The following COG1 variants were observed in gnomAD, a reference collection of about 807,000 sequenced individuals.
COG1 encodes component of oligomeric golgi complex 1.
COG1 carries 61 observed loss-of-function variants against 102.2 expected under a neutral mutation model. That is an observed-to-expected ratio of 0.60 (90% CI 0.49 to 0.74). COG1 has a LOEUF of 0.74. COG1 is among the 30% of genes least tolerant of loss of function. The pLI is 0.00. For missense variants in COG1, 1,164 were observed against 1,232.1 expected (o/e 0.94, Z 0.83); for synonymous variants, 454 against 493.6 (o/e 0.92, Z 1.06).
At chr17:73,205,044 T>A (rs752171228) in intron 9 of COG1, 75 of 188,278 alleles carry the variant, frequency 4.0e-4, no homozygotes, top group Non-Finnish European at 7.3e-4. Context: ...ACATCTGTAG[T>A]CCCAGCTACT....
intron 4 of COG1, among the ~76,000 whole-genome samples, chr17:73,198,911 A>G (rs2061335624): frequency 6.6e-6 from 1 of 152,116 alleles, no homozygotes; most frequent in Non-Finnish European, 1.5e-5. Context: ...CTGTTTCCAG[A>G]GAGAGGTGCT....
At position 73,201,300 on chromosome 17, in the gene COG1, C is replaced by T. The variant is rs1551036; in HGVS notation, c.1473C>T (p.Ser491=). The change falls in exon 7 of 14, where the codon AGC becomes AGT. Residue 491 remains serine, a synonymous_variant. Coordinates refer to ENST00000299886, the MANE Select transcript of COG1 (RefSeq NM_018714.3). ...NDLPSDAAWV[S]VANRGQFASS... is the part of the protein sequence containing the mutation. ...TGCCTTCCGATGCGGCCTGGGTCAG[C>T]GTGGCAAACCGGGGTCAGTTTGCCA... is the stretch of plus-strand genomic sequence containing the variant. 0.18 allele frequency: 285,270 copies of T among 1,614,120 alleles called. 26,473 individuals are homozygous for T. Among genetic ancestry groups the T allele is most frequent in the South Asian group, 0.2 (17,999 of 91,082 alleles).
At chr17:73,198,156 G>C (rs2061332799) in intron 4 of COG1, among the ~76,000 whole-genome samples, 1 of 150,338 alleles carries the variant, frequency 6.7e-6, no homozygotes, top group Non-Finnish European at 1.5e-5. Context: ...GGGAGCTTGG[G>C]TTACGAAGGA....
intron 2 of COG1, 69 bp from the exon 3 acceptor site, chr17:73,196,831 C>CTGA: frequency 6.2e-7 from 1 of 1,613,654 alleles, no homozygotes; most frequent in Non-Finnish European, 8.5e-7. Flanking sequence ...GTCTTCTTTC[C>CTGA]TGATGTACCA....
In COG1 at chr17:73,193,385, G is replaced by A; in HGVS notation, c.315+1G>A. On this transcript the variant is annotated splice_donor_variant, in intron 1 of 13. Coordinates refer to ENST00000299886, the MANE Select transcript of COG1 (RefSeq NM_018714.3). LOFTEE classifies it high-confidence loss of function. Reference sequence around the variant, plus strand: ...GCCCCGGCCACCGCGGGCCCAGCAGGTCAGTCCCCGTGCCCCCACCCTGCG... The same window carrying A: ...GCCCCGGCCACCGCGGGCCCAGCAGATCAGTCCCCGTGCCCCCACCCTGCG... 1 of 1,465,194 alleles carries A rather than the reference G, an allele frequency of 6.8e-7. No individual in the cohort carries two copies. The highest frequency in any genetic ancestry group is 9.0e-7 in the Non-Finnish European group (1 of 1,115,494). The allele number at this position is 1,465,194 out of a possible 1,614,324, so 90.8% of individuals were successfully genotyped here.
Position 73,200,013 on chromosome 17 carries a change from G to T in COG1, c.1062G>T (p.Trp354Cys). Residue 354 changes from tryptophan (W) to cysteine (C), a missense_variant, in exon 5 of 14, where the codon TGG becomes TGT. Transcript: ENST00000299886. Reference protein sequence around the residue: ...QEYLKDTLQKWIHMCNEDIKN... With the variant: ...QEYLKDTLQKCIHMCNEDIKN... ...ACCTGAAAGACACGCTGCAGAAATGGATCCACATGTAAGTAACCAGAAAGA... is the reference window on the plus strand; with the variant it reads ...ACCTGAAAGACACGCTGCAGAAATGTATCCACATGTAAGTAACCAGAAAGA... The T allele has an allele frequency of 1.2e-6, 2 of 1,611,974 alleles. No homozygotes were observed. The highest frequency in any genetic ancestry group is 1.7e-6 in the Non-Finnish European group (2 of 1,179,098).
At position 73,206,877 on chromosome 17, in the gene COG1, G is replaced by A. The variant is rs192485872; in HGVS notation, c.2729+60G>A. The A allele has an allele frequency of 4.5e-4, 529 of 1,188,432 alleles. 4 individuals carry two copies. The African/African-American group carries it at 6.7e-3, about 15-fold the overall frequency. 73.6% of individuals were successfully genotyped at this position (1,188,432 alleles called of 1,614,324 possible). ...CGGGAGGCCAAGGTGGACGGATCAC[G>A]TCAGGAGATCGAGACCATCCTGGCT... On this transcript the variant is annotated intron_variant, in intron 12 of 13. Transcript: ENST00000299886.
intron 7 of COG1, among the ~76,000 whole-genome samples, chr17:73,202,593 G>A (rs1295027678): frequency 6.6e-6 from 1 of 152,112 alleles, no homozygotes. Flanking sequence ...TTCAAGACCA[G>A]CCTGGGCAAC....
chr17:73,201,657 A>G lies in COG1; in HGVS notation c.1830A>G (p.Ser610=), dbSNP rs560997448. The G allele has an allele frequency of 1.9e-5, 31 of 1,614,242 alleles. No individual in the cohort carries two copies. In the South Asian group the frequency reaches 2.7e-4, roughly 14 times the overall value. ...QDALNSAKLH[S]VLFMARLCQS... is the part of the protein sequence containing the mutation. ...CCCTCAACAGTGCCAAGCTGCACTCAGTTCTTTTCATGGCCAGACTCTGCC... is the reference window on the plus strand; with the variant it reads ...CCCTCAACAGTGCCAAGCTGCACTCGGTTCTTTTCATGGCCAGACTCTGCC... Residue 610 remains serine (S), a synonymous_variant, in exon 7 of 14, where the codon TCA becomes TCG. Transcript: ENST00000299886.
intron 4 of COG1, 135 bp downstream of exon 4, chr17:73,197,531 T>A: frequency 1.1e-6 from 1 of 897,456 alleles, no homozygotes; most frequent in African/African-American, 1.6e-5. Context: ...CCTTCCTTCA[T>A]CGAGGCCACA....
At chr17:73,202,948 A>T in intron 7 of COG1, 52 bp from the exon 8 acceptor site, 2 of 1,599,530 alleles carry the variant, frequency 1.3e-6, no homozygotes, top group Non-Finnish European at 1.7e-6. Context: ...TTTTAAAGAA[A>T]CTCTACAGAG....
At position 73,199,918 on chromosome 17, in the gene COG1, C is replaced by G. The variant is rs369505856; in HGVS notation, c.967C>G (p.His323Asp). The G allele has an allele frequency of 6.2e-7, 1 of 1,614,216 alleles. No individual in the cohort carries two copies. Among genetic ancestry groups the G allele is most frequent in the African/African-American group, 1.3e-5 (1 of 75,052 alleles). ...GATGAAACTCTGCAGCTGGTTTAAA[C>G]ACCTGCCAGCATCCATCGTCGAGTT... Reference protein sequence around the residue: ...EEMKLCSWFKHLPASIVEFQP... With the variant: ...EEMKLCSWFKDLPASIVEFQP... Residue 323 changes from histidine (H) to aspartate (D), a missense_variant, in exon 5 of 14, where the codon CAC (histidine) becomes GAC (aspartate). Physicochemically the swap from His to Asp is moderately conservative, Grantham distance 81. Coordinates refer to ENST00000299886, the MANE Select transcript of COG1 (RefSeq NM_018714.3).
chr17:73,196,338 C>A, intron 1 of COG1, 169 bp from the exon 2 acceptor site: 1 of 991,898 alleles, frequency 1.0e-6, no homozygotes, highest in Non-Finnish European at 1.5e-6. Flanking sequence ...ACACTCCTGA[C>A]TCTGGCAACT....
intron 1 of COG1, 149 bp downstream of exon 1, chr17:73,193,533 G>GC (rs754106788): frequency 4.6e-5 from 31 of 680,630 alleles, no homozygotes; most frequent in Admixed American, 1.6e-4. Flanking sequence ...CACCCTTTGG[G>GC]CCCCCCTCAG....
At position 73,196,639 on chromosome 17, in the gene COG1, T is replaced by A. The variant is rs369274946; in HGVS notation, c.448T>A (p.Cys150Ser). 6 of 1,614,232 alleles carry A rather than the reference T, an allele frequency of 3.7e-6. No individual in the cohort carries two copies. Among genetic ancestry groups the A allele is most frequent in the Non-Finnish European group, 5.1e-6 (6 of 1,180,046 alleles). Residue 150 changes from cysteine to serine, a missense_variant, in exon 2 of 14, where the codon TGC becomes AGC. Physicochemically the swap from Cys to Ser is moderately radical, Grantham distance 112 (BLOSUM62 -1). Coordinates refer to ENST00000299886, the MANE Select transcript of COG1 (RefSeq NM_018714.3). ...CLHATQLYLLCCHLHSLLQLD... is the reference protein window; with the variant it reads ...CLHATQLYLLSCHLHSLLQLD... ...CCACGCCACACAGCTCTACCTGCTCTGCTGCCACCTCCACAGCCTGCTCCA... is the reference window on the plus strand; with the variant it reads ...CCACGCCACACAGCTCTACCTGCTCAGCTGCCACCTCCACAGCCTGCTCCA...
At chr17:73,193,736 T>TC (rs1473098240) in intron 1 of COG1, among the ~76,000 whole-genome samples, 2 of 152,200 alleles carry the variant, frequency 1.3e-5, no homozygotes, top group Non-Finnish European at 2.9e-5. Flanking sequence ...ATATAACATG[T>TC]CCTGACATTG....
rs918826608 is a variant in COG1 at position 73,207,044 on chromosome 17, G to C, written c.2730-137G>C. 9.1e-6 allele frequency: 7 copies of C among 769,212 alleles called. No individual in the cohort carries two copies. The African/African-American group carries it at 1.1e-4, about 13-fold the overall frequency. The allele number at this position is 769,212 out of a possible 1,614,324, so 47.6% of individuals were successfully genotyped here. ...GGAGGCGGAGCTTGCAGTGAGCCGAGATTGCGCCACTGCACTCCAGCCTGG... is the reference window on the plus strand; with the variant it reads ...GGAGGCGGAGCTTGCAGTGAGCCGACATTGCGCCACTGCACTCCAGCCTGG... On this transcript the variant is annotated intron_variant, in intron 12 of 13. Coordinates refer to ENST00000299886, the MANE Select transcript of COG1 (RefSeq NM_018714.3).
At chr17:73,193,436 T>C (rs2061310883) in intron 1 of COG1, 52 bp downstream of exon 1, 2 of 1,375,738 alleles carry the variant, frequency 1.5e-6, no homozygotes, top group South Asian at 1.7e-5. Flanking sequence ...CCGGAGCCCC[T>C]GGCCTTGCAG....
chr17:73,205,947 C>T (rs936939575), intron 10 of COG1: 5 of 646,438 alleles, frequency 7.7e-6, no homozygotes, highest in Non-Finnish European at 1.1e-5. Context: ...TAGTGCCCTC[C>T]TTATAGACAG....
Sources: allele counts gnomAD v4.1 joint callset (sites outside exome capture counted in the v4.1 genomes callset), GRCh38; gene constraint gnomAD v4.1.1; transcripts MANE v1.5; gene names NCBI Gene and HGNC (gene_info 2026-07-23, HGNC 2026-07-21).